Variants in ATP5IF1 observed in about 807,000 individuals in gnomAD.
ATP5IF1 encodes ATPase inhibitor, mitochondrial.
A neutral mutation model predicts 8.5 loss-of-function variants in ATP5IF1; 12 were observed. The ratio of observed to expected loss-of-function variants is 1.41; its 90% CI spans 0.90 to 2.28. The LOEUF (loss-of-function observed/expected upper bound fraction) is 2.28, where lower values mean the gene tolerates loss of function less well. Among genes scored for constraint, ATP5IF1 ranks in the 30% most tolerant of loss-of-function variants. The pLI, the probability that ATP5IF1 is intolerant of heterozygous loss-of-function variation, is 0.00. For synonymous variants in ATP5IF1, 51 were observed against 53.4 expected (o/e 0.96, Z 0.19); for missense variants, 154 against 140.2 (o/e 1.10, Z -0.50).
chr1:28,237,276 G>A, intron 2 of ATP5IF1: 1 of 998,686 alleles, frequency 1.0e-6, no homozygotes, highest in Non-Finnish European at 1.2e-6. Flanking sequence ...ATCTAATTGA[G>A]CCCCTACATT....
At chr1:28,236,668 C>A (rs1232544930) in intron 2 of ATP5IF1, 1 of 1,455,490 alleles carries the variant, frequency 6.9e-7, no homozygotes, top group Non-Finnish European at 9.0e-7. Context: ...GTTTCAGGCC[C>A]CCAAACCGTT....
At position 28,237,897 on chromosome 1, in the gene ATP5IF1, T is replaced by G. The variant is rs201956032; in HGVS notation, c.240T>G (p.His80Gln). ...AACACCATGAAGAAGAAATCGTTCA[T>G]CATAAGAAGGAGATTGAGCGTCTGC... The part of the protein sequence containing the change: ...LKKHHEEEIV[H>Q]HKKEIERLQK... The change falls in exon 3 of 3, where the codon CAT (histidine) becomes CAG (glutamine). Residue 80 changes from histidine to glutamine, a missense_variant. Coordinates refer to ENST00000335514, the MANE Select transcript of ATP5IF1 (RefSeq NM_016311.5). The G allele has an allele frequency of 6.2e-7, 1 of 1,614,090 alleles. No homozygotes were observed. Among genetic ancestry groups the G allele is most frequent in the Admixed American group, 1.7e-5 (1 of 60,012 alleles).
intron 2 of ATP5IF1, 150 bp downstream of exon 2, chr1:28,236,602 C>A: frequency 1.3e-6 from 2 of 1,534,092 alleles, no homozygotes; most frequent in Non-Finnish European, 1.7e-6. Flanking sequence ...TATACCCTAA[C>A]CCTTGATGTC....
At position 28,238,016 on chromosome 1, in the gene ATP5IF1, C is replaced by A; in HGVS notation, c.*38C>A. On this transcript the variant is annotated 3_prime_UTR_variant, in exon 3 of 3. Transcript: ENST00000335514. ...TGCCATAGAATGGCACATGTCATTGCCCACTTCTGTGTAGACATGGTTCTG... is the reference window on the plus strand; with the variant it reads ...TGCCATAGAATGGCACATGTCATTGACCACTTCTGTGTAGACATGGTTCTG... 2 of 1,579,748 alleles carry A rather than the reference C, an allele frequency of 1.3e-6. No homozygotes were observed. The highest frequency in any genetic ancestry group is 1.7e-6 in the Non-Finnish European group (2 of 1,163,288).
intron 2 of ATP5IF1, chr1:28,236,913 C>T (rs1647042496): frequency 1.8e-6 from 2 of 1,098,012 alleles, no homozygotes. Flanking sequence ...AGCCTGCATG[C>T]ATTCAGGCTT....
chr1:28,236,464 C>G lies in ATP5IF1; in HGVS notation c.179+12C>G, dbSNP rs554468729. 14 of 1,614,128 alleles carry G rather than the reference C, an allele frequency of 8.7e-6. No individual in the cohort carries two copies. The African/African-American group carries it at 1.1e-4, about 12-fold the overall frequency. ...GAACGATATTTCCGGTGAGGCTCAC[C>G]GGGTCCCAAGTCCAGCCCTGGATCT... On this transcript the variant is annotated intron_variant, in intron 2 of 2. Coordinates refer to ENST00000335514, the MANE Select transcript of ATP5IF1 (RefSeq NM_016311.5).
At position 28,237,874 on chromosome 1, in the gene ATP5IF1, C is replaced by T. The variant is rs1647052524; in HGVS notation, c.217C>T (p.His73Tyr). The change falls in exon 3 of 3, where the codon CAC (histidine) becomes TAC (tyrosine). Residue 73 changes from histidine (H) to tyrosine (Y), a missense_variant. Transcript: ENST00000335514. ...SREQLAALKKHHEEEIVHHKK... is the reference protein window; with the variant it reads ...SREQLAALKKYHEEEIVHHKK... ...AGAACAACTGGCAGCTTTGAAAAAA[C>T]ACCATGAAGAAGAAATCGTTCATCA... is the stretch of plus-strand genomic sequence containing the variant. 1.9e-6 allele frequency: 3 copies of T among 1,614,188 alleles called. No homozygotes were observed. Among genetic ancestry groups the T allele is most frequent in the East Asian group, 4.5e-5 (2 of 44,894 alleles).
intron 2 of ATP5IF1, chr1:28,236,778 G>C: frequency 7.9e-7 from 1 of 1,265,476 alleles, no homozygotes; most frequent in Non-Finnish European, 1.0e-6. Context: ...AACACCCCCA[G>C]ATTCTTCGCA....
At chr1:28,236,714 A>C (rs768397263) in intron 2 of ATP5IF1, 174 of 1,395,702 alleles carry the variant, frequency 1.2e-4, no homozygotes, top group Non-Finnish European at 1.5e-4. Flanking sequence ...CCACGGCTCA[A>C]CTCCTCCTTT....
At chr1:28,236,894 A>G in intron 2 of ATP5IF1, 1 of 1,120,126 alleles carries the variant, frequency 8.9e-7, no homozygotes, top group African/African-American at 1.6e-5. Context: ...AGCACGCCTT[A>G]GCTTTGCAAG....
At chr1:28,236,812 A>G (rs964917112) in intron 2 of ATP5IF1, 8 of 1,188,344 alleles carry the variant, frequency 6.7e-6, no homozygotes, top group African/African-American at 3.2e-5. Context: ...CGACCGCCCA[A>G]CGTTTGCCTC....
chr1:28,238,089 G>A lies in ATP5IF1; in HGVS notation c.*111G>A. ...TGCTACTAACAGATTATAATAAATT[G>A]TCATCAGTGAACTGTGTTTGATGCC... is the stretch of plus-strand genomic sequence containing the variant. On this transcript the variant is annotated 3_prime_UTR_variant, in exon 3 of 3. Transcript: ENST00000335514. The A allele has an allele frequency of 8.8e-7, 1 of 1,141,852 alleles. No homozygotes were observed. Among genetic ancestry groups the A allele is most frequent in the Non-Finnish European group, 1.2e-6 (1 of 816,916 alleles). 70.7% of individuals were successfully genotyped at this position (1,141,852 alleles called of 1,614,324 possible).
chr1:28,237,380 G>A (rs1572078371), intron 2 of ATP5IF1: 3 of 1,056,016 alleles, frequency 2.8e-6, no homozygotes, highest in East Asian at 8.1e-5. Context: ...CAAGTACTGC[G>A]CATGCAAGAG....
In ATP5IF1 at chr1:28,236,154, A is replaced by C. The variant is rs775445782; in HGVS notation, c.-30A>C. On this transcript the variant is annotated 5_prime_UTR_variant, in exon 1 of 3. Transcript: ENST00000335514. ...GTAACGAGAGACTGCTTGCTGCGGC[A>C]GAGACGCCAGAGGTGCAGCTCCAGC... The C allele has an allele frequency of 5.4e-5, 87 of 1,609,332 alleles. 1 individual carries two copies. In the South Asian group the frequency reaches 8.6e-4, roughly 16 times the overall value.
chr1:28,238,046 A>G lies in ATP5IF1; in HGVS notation c.*68A>G. ...TTCTGTGTAGACATGGTTCTGGTTT[A>G]ACTAATATTTGTCTGTGTGCTACTA... On this transcript the variant is annotated 3_prime_UTR_variant, in exon 3 of 3. Transcript: ENST00000335514. The G allele has an allele frequency of 6.8e-7, 1 of 1,478,090 alleles. No homozygotes were observed. Among genetic ancestry groups the G allele is most frequent in the South Asian group, 1.3e-5 (1 of 79,646 alleles). 91.6% of individuals were successfully genotyped at this position (1,478,090 alleles called of 1,614,324 possible). A position where few individuals can be genotyped will look rare whatever the true frequency, so the allele number is the denominator to read the frequency against.
chr1:28,237,391 A>AC (rs1224910666), intron 2 of ATP5IF1: 1 of 1,070,486 alleles, frequency 9.3e-7, no homozygotes, highest in Non-Finnish European at 1.1e-6. Flanking sequence ...CATGCAAGAG[A>AC]CCCTTTATTG....
chr1:28,237,295 A>G (rs546223528), intron 2 of ATP5IF1: 1 of 998,808 alleles, frequency 1.0e-6, no homozygotes, highest in South Asian at 4.4e-5. Flanking sequence ...TTTTGTAGTT[A>G]AGGAAAACTG....
Position 28,237,878 on chromosome 1 carries a change from A to G in ATP5IF1, c.221A>G (p.His74Arg). Residue 74 changes from histidine (H) to arginine (R), a missense_variant, in exon 3 of 3, where the codon CAT (histidine) becomes CGT (arginine). Transcript: ENST00000335514. Reference sequence around the variant, plus strand: ...CAACTGGCAGCTTTGAAAAAACACCATGAAGAAGAAATCGTTCATCATAAG... The same window carrying G: ...CAACTGGCAGCTTTGAAAAAACACCGTGAAGAAGAAATCGTTCATCATAAG... ...REQLAALKKH[H>R]EEEIVHHKKE... The G allele has an allele frequency of 6.2e-7, 1 of 1,614,234 alleles. No homozygotes were observed. Among genetic ancestry groups the G allele is most frequent in the East Asian group, 2.2e-5 (1 of 44,888 alleles).
intron 2 of ATP5IF1, chr1:28,237,394 C>T: frequency 9.3e-7 from 1 of 1,074,558 alleles, no homozygotes; most frequent in Non-Finnish European, 1.1e-6. Flanking sequence ...GCAAGAGACC[C>T]TTTATTGGCC....
Sources: gnomAD v4.1 joint callset for allele counts on GRCh38, gnomAD v4.1.1 for gene constraint, MANE v1.5 for transcripts, NCBI Gene and HGNC (gene_info 2026-07-23, HGNC 2026-07-21) for gene names.